RAB3IL1: variants seen among roughly 807,000 people sequenced by gnomAD.
RAB3IL1 encodes RAB3A interacting protein like 1, also known as guanine nucleotide exchange factor for Rab-3A.
RAB3IL1 carries 37 observed loss-of-function variants against 49.2 expected under a neutral mutation model. That is an observed-to-expected ratio of 0.75 (90% CI 0.58 to 0.99). The LOEUF is 0.99. Among genes scored for constraint, RAB3IL1 ranks in the 50% least tolerant of loss-of-function variants. The probability of loss-of-function intolerance (pLI) is 0.00; values close to 1 mark genes in which losing one functional copy is unlikely to be tolerated. For synonymous variants in RAB3IL1, 193 were observed against 213.9 expected (o/e 0.90, Z 0.85); for missense variants, 484 against 513.0 (o/e 0.94, Z 0.55).
chr11:61,904,899 G>A lies in RAB3IL1; in HGVS notation c.658-17C>T. ...TGTGTCCACCTGTGGGGGAGGGCAA[G>A]CGAGGGTGGGGGCGGTCAGGGTACT... On this transcript the variant is annotated splice_polypyrimidine_tract_variant and intron_variant, in intron 5 of 9. Transcript: ENST00000394836. 1 of 1,567,302 alleles carries A rather than the reference G, an allele frequency of 6.4e-7. No individual in the cohort carries two copies. The highest frequency in any genetic ancestry group is 8.7e-7 in the Non-Finnish European group (1 of 1,153,106).
intron 1 of RAB3IL1, among the ~76,000 whole-genome samples, chr11:61,911,312 A>G (rs1939444562): frequency 6.6e-6 from 1 of 152,214 alleles, no homozygotes; most frequent in Non-Finnish European, 1.5e-5. Context: ...AGGTGGCAGG[A>G]GCAGGAGGGA....
intron 1 of RAB3IL1, among the ~76,000 whole-genome samples, chr11:61,914,454 T>A (rs568993291): frequency 7.9e-5 from 12 of 152,322 alleles, no homozygotes; most frequent in African/African-American, 2.9e-4. Flanking sequence ...TCCAGCACCA[T>A]GTTAGATACA....
upstream of RAB3IL1, among the ~76,000 whole-genome samples, chr11:61,923,637 G>A (rs1370455733): frequency 2.6e-5 from 4 of 152,350 alleles, no homozygotes; most frequent in Non-Finnish European, 4.4e-5. Flanking sequence ...ACTTGACCCT[G>A]TGAACTTCCT....
the RAB3IL1 span, among the ~76,000 whole-genome samples, chr11:61,927,865 T>G: frequency 6.6e-6 from 1 of 152,110 alleles, no homozygotes; most frequent in East Asian, 1.9e-4. Context: ...CAGCCATGCC[T>G]CCTGTACAGC....
chr11:61,927,718 C>CTTGTGAGT, the RAB3IL1 span, among the ~76,000 whole-genome samples: 322 of 152,046 alleles, frequency 2.1e-3, 1 homozygote, highest in African/African-American at 7.5e-3. Context: ...TGTTCTTGTG[C>CTTGTGAGT]CAGTTCTCAC....
Position 61,917,350 on chromosome 11 carries a change from G to T in RAB3IL1, c.11+7C>A, listed in dbSNP as rs1168241818. The T allele has an allele frequency of 3.1e-6, 4 of 1,287,956 alleles. No homozygotes were observed. The highest frequency in any genetic ancestry group is 3.9e-6 in the Non-Finnish European group (4 of 1,019,252). 79.8% of individuals were successfully genotyped at this position (1,287,956 alleles called of 1,614,324 possible). On this transcript the variant is annotated splice_region_variant and intron_variant, in intron 1 of 9. Transcript: ENST00000394836. ...CAGCGCGGGACCGCGAGCGCGCGCG[G>T]ACCTACCCGCTCCACATCCCGGCGC...
chr11:61,904,849 A>G lies in RAB3IL1; in HGVS notation c.691T>C (p.Trp231Arg). 1 of 1,605,246 alleles carries G rather than the reference A, an allele frequency of 6.2e-7. No homozygotes were observed. The highest frequency in any genetic ancestry group is 8.5e-7 in the Non-Finnish European group (1 of 1,175,172). ...TTGTCCAGGGTGGGGGATTCCCTCC[A>G]GGCCTGGAACTCTGCAAACAGGATT... ...DTILFAEFQA[W>R]RESPTLDKTC... Residue 231 changes from tryptophan (W) to arginine (R), a missense_variant, in exon 6 of 10, where the codon TGG becomes CGG. Coordinates refer to ENST00000394836, the MANE Select transcript of RAB3IL1 (RefSeq NM_013401.4).
Position 61,902,664 on chromosome 11 carries a change from C to A in RAB3IL1, c.900-123G>T, listed in dbSNP as rs116610257. ...GGGGAGGGGCAGGCCTCCCTTCCCC[C>A]ACCCGGCTTCCAAAGGAACCCAGAG... On this transcript the variant is annotated intron_variant, in intron 7 of 9. Coordinates refer to ENST00000394836, the MANE Select transcript of RAB3IL1 (RefSeq NM_013401.4). 7.3e-3 allele frequency: 6,374 copies of A among 877,908 alleles called. 233 individuals carry two copies. In the African/African-American group the frequency reaches 0.087, roughly 12 times the overall value. 54.4% of individuals were successfully genotyped at this position (877,908 alleles called of 1,614,324 possible).
At chr11:61,924,477 C>T (rs1939963232), upstream of RAB3IL1, among the ~76,000 whole-genome samples, 1 of 152,082 alleles carries the variant, frequency 6.6e-6, no homozygotes, top group African/African-American at 2.4e-5. Flanking sequence ...ATTCCTGGCC[C>T]ATCTCCTGCT....
At chr11:61,944,045 C>T in the RAB3IL1 span, among the ~76,000 whole-genome samples, 1 of 152,124 alleles carries the variant, frequency 6.6e-6, no homozygotes. Context: ...TTGTATAAAG[C>T]AGGCATACAT....
At chr11:61,944,246 C>CCTTCCTTCCTTT in the RAB3IL1 span, among the ~76,000 whole-genome samples, 106 of 143,528 alleles carry the variant, frequency 7.4e-4, no homozygotes, top group African/African-American at 2.8e-3. Context: ...TTCCTTCCTT[C>CCTTCCTTCCTTT]CTTCCTTCCT....
chr11:61,918,863 C>T (rs138627438), upstream of RAB3IL1, among the ~76,000 whole-genome samples: 5 of 152,336 alleles, frequency 3.3e-5, no homozygotes, highest in South Asian at 4.1e-4. Flanking sequence ...TCAGCCCAGG[C>T]GTCCCATAGC....
chr11:61,904,774 G>C lies in RAB3IL1; in HGVS notation c.766C>G (p.Leu256Val), dbSNP rs2136032344. 6.2e-7 allele frequency: 1 copy of C among 1,607,210 alleles called. No homozygotes were observed. Among genetic ancestry groups the C allele is most frequent in the South Asian group, 1.1e-5 (1 of 89,774 alleles). ...CTCACCTCCTGCATTGTGAAGTCCA[G>C]GCAGGGGCCCACGTCCTCTCGGTAC... Reference protein sequence around the residue: ...RVYREDVGPCLDFTMQELSVL... With the variant: ...RVYREDVGPCVDFTMQELSVL... Residue 256 changes from leucine (L) to valine (V), a missense_variant, in exon 6 of 10, where the codon CTG becomes GTG. By Grantham distance (32) the Leu-to-Val change is conservative. Transcript: ENST00000394836.
chr11:61,920,317 G>A (rs1351492407), upstream of RAB3IL1: 14 of 1,206,400 alleles, frequency 1.2e-5, no homozygotes, highest in Non-Finnish European at 1.4e-5. Context: ...CAGCAGCCTG[G>A]GAGGGAGGCA....
At chr11:61,937,991 C>T in the RAB3IL1 span, 1 of 151,852 alleles carries the variant, frequency 6.6e-6, no homozygotes, top group Non-Finnish European at 1.5e-5. Flanking sequence ...GTGAAGCTTT[C>T]CATTATAAAA....
the RAB3IL1 span, among the ~76,000 whole-genome samples, chr11:61,934,444 GTGTATGTATATATATATATATATA>G: frequency 3.6e-5 from 3 of 83,662 alleles, no homozygotes; most frequent in African/African-American, 1.5e-4. Flanking sequence ...GTGTGTGTGT[GTGTATGTATATATATATATATATA>G]TATATATATA....
chr11:61,907,702 C>T (rs1159682788), intron 2 of RAB3IL1, 42 bp from the exon 3 acceptor site: 2 of 1,585,188 alleles, frequency 1.3e-6, no homozygotes, highest in Non-Finnish European at 1.7e-6. Flanking sequence ...TCAGCATCCC[C>T]AGGCCTGGCA....
chr11:61,919,440 T>C (rs1183066278), upstream of RAB3IL1, among the ~76,000 whole-genome samples: 1 of 152,214 alleles, frequency 6.6e-6, no homozygotes, highest in African/African-American at 2.4e-5. Flanking sequence ...CCTGCTCAGC[T>C]GAACTTGCTC....
chr11:61,909,189 C>A (rs1172873294), intron 1 of RAB3IL1, among the ~76,000 whole-genome samples: 2 of 152,036 alleles, frequency 1.3e-5, no homozygotes, highest in East Asian at 3.9e-4. Context: ...GCAACCAGGG[C>A]TGGGGATGGG....
Sources: gnomAD v4.1 joint callset for allele counts (sites outside exome capture counted in the v4.1 genomes callset) on GRCh38, gnomAD v4.1.1 for gene constraint, MANE v1.5 for transcripts, NCBI Gene and HGNC (gene_info 2026-07-23, HGNC 2026-07-21) for gene names.